Variants in RBFOX1 observed in about 807,000 individuals in gnomAD.
RBFOX1 encodes the protein RNA binding protein fox-1 homolog 1.
In RBFOX1, 8 loss-of-function variants were observed where a neutral mutation model predicts 57.7. The ratio of observed to expected loss-of-function variants is 0.14; its 90% CI spans 0.08 to 0.25. RBFOX1 has a LOEUF of 0.25. RBFOX1 is among the 10% of genes least tolerant of loss of function. The pLI, the probability that RBFOX1 is intolerant of heterozygous loss-of-function variation, is 1.00. For missense variants in RBFOX1, 611 were observed against 548.5 expected (o/e 1.11, Z -1.14); for synonymous variants, 326 against 222.4 (o/e 1.47, Z -4.15).
intron 4 of RBFOX1, among the ~76,000 whole-genome samples, chr16:5,931,697 G>C (rs1269598724): frequency 6.6e-6 from 1 of 152,096 alleles, no homozygotes; most frequent in Non-Finnish European, 1.5e-5. Flanking sequence ...TTACAGTTTG[G>C]AGCCCTTCTT....
chr16:6,676,785 C>G (rs1199855375), intron 3 of RBFOX1, among the ~76,000 whole-genome samples: 1 of 149,744 alleles, frequency 6.7e-6, no homozygotes, highest in African/African-American at 2.5e-5. Flanking sequence ...AAGCATTTCT[C>G]CTGCCTCAGC....
intron 1 of RBFOX1, among the ~76,000 whole-genome samples, chr16:5,280,854 G>A (rs1407676241): frequency 6.6e-6 from 1 of 151,122 alleles, no homozygotes; most frequent in African/African-American, 2.4e-5. Flanking sequence ...CTCACTAGTG[G>A]TTTATCAATT....
intron 2 of RBFOX1, among the ~76,000 whole-genome samples, chr16:5,486,628 C>T (rs1384410899): frequency 1.3e-5 from 2 of 152,126 alleles, no homozygotes; most frequent in East Asian, 1.9e-4. Flanking sequence ...TCTCTTTCTT[C>T]CCCCATTAGC....
At chr16:7,362,629 G>T (rs1225523251) in intron 4 of RBFOX1, among the ~76,000 whole-genome samples, 1 of 151,708 alleles carries the variant, frequency 6.6e-6, no homozygotes, top group Non-Finnish European at 1.5e-5. Context: ...TGTAGTATGT[G>T]TTTTGTGCGT....
intron 3 of RBFOX1, among the ~76,000 whole-genome samples, chr16:5,831,026 T>C (rs577494934): frequency 6.6e-5 from 10 of 152,214 alleles, no homozygotes; most frequent in Admixed American, 2.0e-4. Flanking sequence ...ACCTTGCTAA[T>C]GCGTTAGTTG....
At chr16:7,009,454 G>A (rs997674504) in intron 3 of RBFOX1, among the ~76,000 whole-genome samples, 6 of 151,838 alleles carry the variant, frequency 4.0e-5, no homozygotes, top group South Asian at 2.1e-4. Flanking sequence ...ACTAACACAC[G>A]GCCATAGGAA....
rs1555582278 is a variant in RBFOX1 at position 6,256,177 on chromosome 16, A to ATATGTATATATATGTG, written c.-126-60815_-126-60814insGTATATATATGTGTAT. Among the ~76,000 whole-genome samples, 4 of 19,464 alleles carry ATATGTATATATATGTG rather than the reference A, an allele frequency of 2.1e-4. 2 individuals carry two copies. Among genetic ancestry groups the ATATGTATATATATGTG allele is most frequent in the Admixed American group, 1.5e-3 (2 of 1,362 alleles). The allele number at this position is 19,464 out of a possible 152,430, so 12.8% of individuals were successfully genotyped here. ...TATATATGTATATATATATGTATAT[A>ATATGTATATATATGTG]TATATATACGTATATATATGTATAT... On this transcript the variant is annotated intron_variant, in intron 1 of 15. Transcript: ENST00000550418.
chr16:7,408,385 C>T (rs8049658), intron 4 of RBFOX1, among the ~76,000 whole-genome samples: 7,040 of 152,218 alleles, frequency 0.046, 562 homozygotes, highest in African/African-American at 0.16. Context: ...TGTGTCTGAG[C>T]ACAGTAAACC....
At chr16:5,604,374 T>C (rs2047484932), downstream of RBFOX1, among the ~76,000 whole-genome samples, 1 of 152,118 alleles carries the variant, frequency 6.6e-6, no homozygotes, top group Non-Finnish European at 1.5e-5. Flanking sequence ...CATCTGGAGC[T>C]CAGGGTCCCT....
intron 1 of RBFOX1, among the ~76,000 whole-genome samples, chr16:6,044,774 G>A (rs1437354274): frequency 4.6e-5 from 7 of 152,232 alleles, no homozygotes; most frequent in Non-Finnish European, 1.0e-4. Flanking sequence ...GTGGCATGAG[G>A]CGTGAACTCT....
At chr16:7,248,395 T>A (rs181331547) in intron 4 of RBFOX1, among the ~76,000 whole-genome samples, 409 of 152,334 alleles carry the variant, frequency 2.7e-3, no homozygotes, top group Non-Finnish European at 4.7e-3. Flanking sequence ...AGAATACATT[T>A]GTGCAGAATC....
At chr16:5,531,397 G>A (rs2044472867) in intron 2 of RBFOX1, among the ~76,000 whole-genome samples, 1 of 152,186 alleles carries the variant, frequency 6.6e-6, no homozygotes, top group South Asian at 2.1e-4. Context: ...TTTAAAGTTT[G>A]GTTGTGGAAA....
At chr16:6,640,900 A>G (rs2098482369) in intron 2 of RBFOX1, among the ~76,000 whole-genome samples, 2 of 152,114 alleles carry the variant, frequency 1.3e-5, no homozygotes, top group Admixed American at 1.3e-4. Context: ...TCAGAACAGC[A>G]CCAGAAACCC....
At chr16:6,899,780 C>G (rs2067991310) in intron 3 of RBFOX1, among the ~76,000 whole-genome samples, 1 of 152,166 alleles carries the variant, frequency 6.6e-6, no homozygotes, top group Admixed American at 6.5e-5. Flanking sequence ...ATCATACTTA[C>G]ATATTTGAAG....
At chr16:6,961,244 G>T (rs756104742) in intron 3 of RBFOX1, among the ~76,000 whole-genome samples, 1 of 152,114 alleles carries the variant, frequency 6.6e-6, no homozygotes, top group Non-Finnish European at 1.5e-5. Context: ...GCTGCTGATG[G>T]CCATTTTCTC....
rs563104356 is a variant in RBFOX1, at chr16:7,141,533, T to C, written c.27+89435T>C. 3.3e-5 allele frequency among the ~76,000 whole-genome samples: 5 copies of C among 152,306 alleles called. No homozygotes were observed. In the South Asian group the frequency reaches 8.3e-4, roughly 25 times the overall value. Reference sequence around the variant, plus strand: ...TTTTGCTAGAGTGCATCAAGGATCATTGTTATTTTATTTTTATTTTTATTT... The same window carrying C: ...TTTTGCTAGAGTGCATCAAGGATCACTGTTATTTTATTTTTATTTTTATTT... On this transcript the variant is annotated intron_variant, in intron 4 of 15. Transcript: ENST00000550418.
chr16:5,378,933 A>C (rs978194845), intron 1 of RBFOX1, among the ~76,000 whole-genome samples: 1 of 151,600 alleles, frequency 6.6e-6, no homozygotes, highest in Non-Finnish European at 1.5e-5. Context: ...CCTTTTCTCC[A>C]CTGAAAACCA....
At chr16:6,800,462 A>T (rs758341051) in intron 3 of RBFOX1, among the ~76,000 whole-genome samples, 4 of 151,904 alleles carry the variant, frequency 2.6e-5, no homozygotes, top group Non-Finnish European at 5.9e-5. Context: ...ATTTTGGTTC[A>T]ATAAGTCTCG....
chr16:5,694,235 CT>C (rs1310960621), intron 3 of RBFOX1, among the ~76,000 whole-genome samples: 11 of 152,196 alleles, frequency 7.2e-5, no homozygotes, highest in African/African-American at 2.7e-4. Context: ...GTTTACCAGC[CT>C]GATTTACCAG....
Sources: allele counts gnomAD v4.1 joint callset (sites outside exome capture counted in the v4.1 genomes callset), GRCh38; gene constraint gnomAD v4.1.1; transcripts MANE v1.5; gene names NCBI Gene and HGNC (gene_info 2026-07-23, HGNC 2026-07-21).